VPS53: variants seen among roughly 807,000 people sequenced by gnomAD.
The protein encoded by VPS53 is VPS53 subunit of GARP complex.
In VPS53, 70 loss-of-function variants were observed where a neutral mutation model predicts 107.0. The observed-to-expected ratio is 0.65, with a 90% CI of 0.54 to 0.80. The LOEUF (loss-of-function observed/expected upper bound fraction) is 0.80, where lower values mean the gene tolerates loss of function less well. Ranked by LOEUF, VPS53 falls within the 30% of genes least tolerant of loss-of-function variation. The pLI is 0.00. For synonymous variants in VPS53, 409 were observed against 393.3 expected (o/e 1.04, Z -0.47); for missense variants, 917 against 1,049.4 (o/e 0.87, Z 1.74).
chr17:574,533 G>A (rs550921002), intron 13 of VPS53, among the ~76,000 whole-genome samples: 30 of 152,294 alleles, frequency 2.0e-4, no homozygotes, highest in African/African-American at 6.3e-4. Flanking sequence ...GGGAGGTGGA[G>A]GTGGGCTGAC....
At position 562,599 on chromosome 17, in the gene VPS53, T is replaced by C. The variant is rs1018367597; in HGVS notation, c.1460A>G (p.Gln487Arg). 1.9e-6 allele frequency: 3 copies of C among 1,613,924 alleles called. No homozygotes were observed. Among genetic ancestry groups the C allele is most frequent in the Admixed American group, 1.7e-5 (1 of 59,978 alleles). Reference sequence around the variant, plus strand: ...GATCATGGGCTCCCCAGTACTGAGCTGAGAGCATTGCACCATGCACTTCTT... The same window carrying C: ...GATCATGGGCTCCCCAGTACTGAGCCGAGAGCATTGCACCATGCACTTCTT... Reference protein sequence around the residue: ...YYKKCMVQCSQLSTGEPMIAL... With the variant: ...YYKKCMVQCSRLSTGEPMIAL... The change falls in exon 14 of 22, where the codon CAG becomes CGG. Residue 487 changes from glutamine (Q) to arginine (R), a missense_variant. Gln to Arg is a conservative substitution (Grantham distance 43). Coordinates refer to ENST00000437048, the MANE Select transcript of VPS53 (RefSeq NM_001128159.3).
chr17:625,386 C>T (rs759726237), intron 10 of VPS53, among the ~76,000 whole-genome samples: 4 of 150,926 alleles, frequency 2.7e-5, no homozygotes, highest in South Asian at 2.1e-4. Flanking sequence ...TGCCTGAGCC[C>T]GGGAGTTCAA....
chr17:533,068 T>G (rs2304948), intron 18 of VPS53, 157 bp from the exon 19 acceptor site: 1 of 1,341,866 alleles, frequency 7.5e-7, no homozygotes, highest in Non-Finnish European at 9.9e-7. Flanking sequence ...TTCTTCTGAG[T>G]GAAGTCCTGG....
chr17:620,229 G>A (rs1016981207), intron 11 of VPS53, among the ~76,000 whole-genome samples: 11 of 152,232 alleles, frequency 7.2e-5, no homozygotes, highest in African/African-American at 2.7e-4. Flanking sequence ...TCAAAATTGG[G>A]CTGCTGCCAC....
Position 548,118 on chromosome 17 carries a change from T to C in VPS53, c.1866+3754A>G, listed in dbSNP as rs1300568484. Among the ~76,000 whole-genome samples the C allele has an allele frequency of 2.0e-5, 3 of 152,136 alleles. No homozygotes were observed. In the East Asian group the frequency reaches 5.8e-4, roughly 29 times the overall value. On this transcript the variant is annotated intron_variant, in intron 17 of 21. Transcript: ENST00000437048. The stretch of plus-strand genomic sequence containing the variant: ...CAATATGCATTCAGGGAAGTAAACA[T>C]GGCTGCGACTGGAGAACAGGGCACA...
chr17:519,300 T>C lies in VPS53; in HGVS notation c.2329-2A>G. 2.0e-6 allele frequency: 3 copies of C among 1,477,686 alleles called. No individual in the cohort carries two copies. The highest frequency in any genetic ancestry group is 1.4e-5 in the African/African-American group (1 of 70,340). The allele number at this position is 1,477,686 out of a possible 1,614,324, so 91.5% of individuals were successfully genotyped here. A position where few individuals can be genotyped will look rare whatever the true frequency, so the allele number is the denominator to read the frequency against. On this transcript the variant is annotated splice_acceptor_variant, in intron 21 of 21. Transcript: ENST00000437048. LOFTEE classifies it high-confidence loss of function. The surrounding 1 kb of genome is among the most constrained non-coding windows in gnomAD (Gnocchi z 5.0). ...GCTCTGCTCACTCCTCTTCAGCCCC[T>C]GAGGTTGAGAGAGAAACAGAACCGT... is the stretch of plus-strand genomic sequence containing the variant.
At chr17:701,651 C>T (rs1437237186) in intron 2 of VPS53, among the ~76,000 whole-genome samples, 2 of 152,134 alleles carry the variant, frequency 1.3e-5, no homozygotes, top group Non-Finnish European at 2.9e-5. Context: ...GCTAGGATTA[C>T]AGGTATGAGC....
intron 13 of VPS53, among the ~76,000 whole-genome samples, chr17:579,473 CTT>C: frequency 6.6e-6 from 1 of 150,796 alleles, no homozygotes; most frequent in South Asian, 2.1e-4. Context: ...TCCCACAGAA[CTT>C]CCCTCAGAAC....
chr17:681,410 C>T (rs540436415), intron 4 of VPS53, among the ~76,000 whole-genome samples: 2 of 152,350 alleles, frequency 1.3e-5, no homozygotes, highest in South Asian at 4.1e-4. Context: ...GCTGGGATTC[C>T]AGGCGTGAGC....
chr17:573,529 C>T (rs2151868785), intron 13 of VPS53, among the ~76,000 whole-genome samples: 1 of 152,258 alleles, frequency 6.6e-6, no homozygotes, highest in South Asian at 2.1e-4. Context: ...GAAATCTGGC[C>T]ACACTGACAA....
intron 2 of VPS53, among the ~76,000 whole-genome samples, chr17:707,540 GA>G (rs1973460141): frequency 8.6e-6 from 1 of 115,912 alleles, no homozygotes; most frequent in Non-Finnish European, 1.8e-5. Context: ...AAAAAAAAAA[GA>G]AAATCAGTTC....
intron 15 of VPS53, among the ~76,000 whole-genome samples, chr17:559,421 C>T (rs532387869): frequency 3.3e-5 from 5 of 152,228 alleles, no homozygotes; most frequent in Non-Finnish European, 5.9e-5. Flanking sequence ...GAGGTCCTTA[C>T]AGATAGTGCC....
rs529338239 is a variant in VPS53, at chr17:563,899, C to T, written c.1314-1154G>A. On this transcript the variant is annotated intron_variant, in intron 13 of 21. Coordinates refer to ENST00000437048, the MANE Select transcript of VPS53 (RefSeq NM_001128159.3). Reference sequence around the variant, plus strand: ...GTGTTATAATGGTTTCTTTCTCCTCCGATTTAGTTTTTTCTTAGAACTTCC... The same window carrying T: ...GTGTTATAATGGTTTCTTTCTCCTCTGATTTAGTTTTTTCTTAGAACTTCC... 6.6e-5 allele frequency among the ~76,000 whole-genome samples: 10 copies of T among 152,334 alleles called. No individual in the cohort carries two copies. In the South Asian group the frequency reaches 1.2e-3, roughly 19 times the overall value.
At chr17:635,431 T>A (rs1387030280) in intron 7 of VPS53, among the ~76,000 whole-genome samples, 1 of 152,228 alleles carries the variant, frequency 6.6e-6, no homozygotes, top group Non-Finnish European at 1.5e-5. Context: ...TTGGCTTTTG[T>A]TGCCATTGCT....
chr17:600,407 A>T (rs1167778328), intron 12 of VPS53, among the ~76,000 whole-genome samples: 1 of 152,254 alleles, frequency 6.6e-6, no homozygotes, highest in Non-Finnish European at 1.5e-5. Context: ...TGGGCTCTAC[A>T]CCCAGAGCCT....
At chr17:638,050 T>C (rs901746223) in intron 7 of VPS53, among the ~76,000 whole-genome samples, 2 of 152,256 alleles carry the variant, frequency 1.3e-5, no homozygotes, top group South Asian at 2.1e-4. Flanking sequence ...TGTGGGAGTC[T>C]AAGTCTCTTT....
chr17:632,925 G>A (rs1041067611), intron 7 of VPS53: 1 of 374,482 alleles, frequency 2.7e-6, no homozygotes, highest in African/African-American at 2.1e-5. Context: ...AACAAAAAGA[G>A]CCAAGTGACA....
chr17:600,178 C>G (rs901755623), intron 12 of VPS53: 21 of 152,208 alleles, frequency 1.4e-4, no homozygotes, highest in African/African-American at 4.8e-4. Flanking sequence ...TGGGGCCTAT[C>G]TTAATCCAAT....
chr17:608,656 C>T (rs1463240774), intron 11 of VPS53, among the ~76,000 whole-genome samples: 1 of 149,548 alleles, frequency 6.7e-6, no homozygotes, highest in Non-Finnish European at 1.5e-5. Flanking sequence ...CACTCTTCCA[C>T]CCAGGATGAA....
Sources: gnomAD v4.1 joint callset for allele counts (sites outside exome capture counted in the v4.1 genomes callset) on GRCh38, gnomAD v4.1.1 for gene constraint, Gnocchi (gnomAD v3.1) non-coding constraint, MANE v1.5 for transcripts, NCBI Gene and HGNC (gene_info 2026-07-23, HGNC 2026-07-21) for gene names.